The following TGFBR3 variants were observed in gnomAD, a reference collection of about 807,000 sequenced individuals.
TGFBR3 encodes transforming growth factor beta receptor type 3.
In TGFBR3, 46 loss-of-function variants were observed where a neutral mutation model predicts 87.9. The ratio of observed to expected loss-of-function variants is 0.52; its 90% CI spans 0.41 to 0.67. The LOEUF (loss-of-function observed/expected upper bound fraction) is 0.67, where lower values mean the gene tolerates loss of function less well. Among genes scored for constraint, TGFBR3 ranks in the 30% least tolerant of loss-of-function variants. The pLI is 0.00. For missense variants in TGFBR3, 866 were observed against 1,041.9 expected (o/e 0.83, Z 2.32); for synonymous variants, 381 against 391.6 (o/e 0.97, Z 0.32).
intron 1 of TGFBR3, among the ~76,000 whole-genome samples, chr1:91,872,642 T>A (rs1472504551): frequency 6.6e-6 from 1 of 152,158 alleles, no homozygotes; most frequent in African/African-American, 2.4e-5. Context: ...AGGCAAGATG[T>A]CAGGGCTGCA....
chr1:91,893,398 C>CCT (rs1295747292), intron 2 of TGFBR3, among the ~76,000 whole-genome samples: 1 of 152,038 alleles, frequency 6.6e-6, no homozygotes, highest in African/African-American at 2.4e-5. Context: ...AATTCTTGTG[C>CCT]CTCAGCTCTC....
intron 2 of TGFBR3, among the ~76,000 whole-genome samples, chr1:91,807,623 C>T (rs1395568883): frequency 6.6e-6 from 1 of 152,226 alleles, no homozygotes; most frequent in African/African-American, 2.4e-5. Context: ...ATAAAAGGCA[C>T]ATACTCTTCC....
At chr1:91,751,621 C>G (rs538815199) in intron 4 of TGFBR3, among the ~76,000 whole-genome samples, 136 of 151,742 alleles carry the variant, frequency 9.0e-4, no homozygotes, top group Non-Finnish European at 1.5e-3. Flanking sequence ...AATATTTGGA[C>G]CTTTTTTTTT....
At chr1:91,833,833 A>G (rs1676957801) in intron 2 of TGFBR3, among the ~76,000 whole-genome samples, 1 of 152,050 alleles carries the variant, frequency 6.6e-6, no homozygotes, top group Non-Finnish European at 1.5e-5. Flanking sequence ...GGAATATCCC[A>G]GTGAGATCTG....
At chr1:91,880,553 G>A (rs1255680797) in intron 1 of TGFBR3, among the ~76,000 whole-genome samples, 2 of 151,944 alleles carry the variant, frequency 1.3e-5, no homozygotes, top group African/African-American at 2.4e-5. Context: ...AGCCGAGATC[G>A]CGCCACTGCA....
At chr1:91,853,055 G>A (rs1319897327) in intron 2 of TGFBR3, among the ~76,000 whole-genome samples, 1 of 151,496 alleles carries the variant, frequency 6.6e-6, no homozygotes, top group Non-Finnish European at 1.5e-5. Flanking sequence ...GCTACTTGGG[G>A]GTCTGTGGGG....
chr1:91,695,069 T>C (rs1345545647), intron 16 of TGFBR3, among the ~76,000 whole-genome samples: 4 of 151,530 alleles, frequency 2.6e-5, no homozygotes. Context: ...TTTTGAAGAT[T>C]GAGGGATAAT....
At chr1:91,829,394 A>C (rs1182770490) in intron 2 of TGFBR3, among the ~76,000 whole-genome samples, 8 of 129,922 alleles carry the variant, frequency 6.2e-5, no homozygotes, top group Non-Finnish European at 1.2e-4. Flanking sequence ...AAACAAACAA[A>C]CAAAAAAAAA....
At chr1:91,760,584 G>A (rs1673923356) in intron 3 of TGFBR3, among the ~76,000 whole-genome samples, 1 of 152,122 alleles carries the variant, frequency 6.6e-6, no homozygotes, top group Non-Finnish European at 1.5e-5. Flanking sequence ...AATTTAGCTG[G>A]CTAATTTGCA....
At chr1:91,794,468 G>A (rs895907638) in intron 3 of TGFBR3, among the ~76,000 whole-genome samples, 1 of 152,100 alleles carries the variant, frequency 6.6e-6, no homozygotes, top group South Asian at 2.1e-4. Context: ...CTCCCAAAGT[G>A]TTGGGATTAC....
intron 3 of TGFBR3, among the ~76,000 whole-genome samples, chr1:91,789,545 CATCTTGGTAGG>C (rs890004826): frequency 6.6e-5 from 10 of 152,236 alleles, no homozygotes; most frequent in African/African-American, 2.2e-4. Context: ...GACCAACCTG[CATCTTGGTAGG>C]AACGTTTTAA....
intron 3 of TGFBR3, among the ~76,000 whole-genome samples, chr1:91,790,838 C>T (rs1240427607): frequency 6.6e-6 from 1 of 152,158 alleles, no homozygotes; most frequent in Non-Finnish European, 1.5e-5. Flanking sequence ...CACATATGTA[C>T]TCTCCCAAAA....
chr1:91,751,396 C>A (rs1673536298), intron 4 of TGFBR3, among the ~76,000 whole-genome samples: 1 of 152,282 alleles, frequency 6.6e-6, no homozygotes, highest in South Asian at 2.1e-4. Flanking sequence ...GCTGGACATG[C>A]ACGGTGGTAT....
chr1:91,732,768 C>A (rs1013578342), intron 5 of TGFBR3, among the ~76,000 whole-genome samples: 1 of 152,152 alleles, frequency 6.6e-6, no homozygotes, highest in Non-Finnish European at 1.5e-5. Flanking sequence ...TTTTACTGCA[C>A]CAGACACAAG....
chr1:91,763,567 T>C (rs1234049098), intron 3 of TGFBR3, among the ~76,000 whole-genome samples: 2 of 152,220 alleles, frequency 1.3e-5, no homozygotes, highest in African/African-American at 4.8e-5. Flanking sequence ...GGTCTGTATA[T>C]AGCCATCATC....
At chr1:91,808,049 T>C (rs1675899147) in intron 2 of TGFBR3, among the ~76,000 whole-genome samples, 1 of 152,224 alleles carries the variant, frequency 6.6e-6, no homozygotes, top group African/African-American at 2.4e-5. Context: ...TAATAAAATA[T>C]CTAAGATAAG....
chr1:91,874,584 G>A lies in TGFBR3; in HGVS notation c.-114+11294C>T, dbSNP rs562356041. The stretch of plus-strand genomic sequence containing the variant: ...GCAATCTCAGCTCACTGCAACCTCC[G>A]TCTCCTGGGTTCAAGCGATTCTCCT... On this transcript the variant is annotated intron_variant, in intron 1 of 16. Transcript: ENST00000212355. 5.3e-5 allele frequency among the ~76,000 whole-genome samples: 8 copies of A among 151,906 alleles called. No individual in the cohort carries two copies. In the South Asian group the frequency reaches 1.1e-3, roughly 20 times the overall value.
chr1:91,725,764 G>A (rs980547082), intron 7 of TGFBR3, among the ~76,000 whole-genome samples: 6 of 152,164 alleles, frequency 3.9e-5, no homozygotes, highest in African/African-American at 1.4e-4. Flanking sequence ...AATTGGAAAT[G>A]GGATTTAAAT....
intron 4 of TGFBR3, among the ~76,000 whole-genome samples, chr1:91,739,687 A>T (rs11165407): frequency 3.3e-5 from 5 of 152,196 alleles, no homozygotes; most frequent in Admixed American, 2.0e-4. Flanking sequence ...GCTACAACCC[A>T]CCAAGAACCC....
Sources: gnomAD v4.1 joint callset for allele counts (sites outside exome capture counted in the v4.1 genomes callset) on GRCh38, gnomAD v4.1.1 for gene constraint, MANE v1.5 for transcripts, NCBI Gene and HGNC (gene_info 2026-07-23, HGNC 2026-07-21) for gene names.